The following ABCB11 variants were observed in gnomAD, a reference collection of about 807,000 sequenced individuals.
The protein encoded by ABCB11 is bile salt export pump.
A neutral mutation model predicts 148.0 loss-of-function variants in ABCB11; 95 were observed. The observed-to-expected ratio is 0.64, with a 90% CI of 0.54 to 0.76. The LOEUF is 0.76. Ranked by LOEUF, ABCB11 falls within the 30% of genes least tolerant of loss-of-function variation. The pLI, the probability that ABCB11 is intolerant of heterozygous loss-of-function variation, is 0.00. For synonymous variants in ABCB11, 591 were observed against 555.4 expected (o/e 1.06, Z -0.90); for missense variants, 1,523 against 1,617.8 (o/e 0.94, Z 1.01).
intron 25 of ABCB11, among the ~76,000 whole-genome samples, chr2:168,930,169 C>G (rs942186926): frequency 2.0e-5 from 3 of 152,070 alleles, no homozygotes; most frequent in Non-Finnish European, 4.4e-5. Context: ...TTCAAATATC[C>G]TTGCTAAAGA....
chr2:169,021,308 TA>T (rs1695532908), intron 1 of ABCB11, among the ~76,000 whole-genome samples: 1 of 152,016 alleles, frequency 6.6e-6, no homozygotes, highest in South Asian at 2.1e-4. Context: ...TATAAAATCA[TA>T]AAAATGGTCC....
intron 5 of ABCB11, among the ~76,000 whole-genome samples, chr2:169,011,139 T>C (rs1695174146): frequency 6.6e-6 from 1 of 152,236 alleles, no homozygotes; most frequent in Non-Finnish European, 1.5e-5. Context: ...CATAAGCACC[T>C]AGTATCATGT....
chr2:168,952,561 A>G (rs78391298), intron 19 of ABCB11, among the ~76,000 whole-genome samples: 2,488 of 151,120 alleles, frequency 0.016, 61 homozygotes, highest in African/African-American at 0.057. Flanking sequence ...ATCTGTTATA[A>G]TATCTTCTTT....
rs1266595414 is a variant in ABCB11 at position 169,017,841 on chromosome 2, C to T, written c.76+209G>A. ...GGTGAGAGATGCTTTCATTTACACACACTTGGTGTGTTCTTACCTAGTGCT... is the reference window on the plus strand; with the variant it reads ...GGTGAGAGATGCTTTCATTTACACATACTTGGTGTGTTCTTACCTAGTGCT... On this transcript the variant is annotated intron_variant, in intron 2 of 27. Coordinates refer to ENST00000650372, the MANE Select transcript of ABCB11 (RefSeq NM_003742.4). 15 of 733,740 alleles carry T rather than the reference C, an allele frequency of 2.0e-5. No individual in the cohort carries two copies. In the Admixed American group the frequency reaches 2.7e-4, roughly 13 times the overall value. The allele number at this position is 733,740 out of a possible 1,614,324, so 45.5% of individuals were successfully genotyped here.
intron 10 of ABCB11, among the ~76,000 whole-genome samples, chr2:168,981,572 G>T (rs2105988013): frequency 6.6e-6 from 1 of 152,278 alleles, no homozygotes; most frequent in East Asian, 1.9e-4. Context: ...GATGCTGACA[G>T]TGAAGAAAGT....
intron 1 of ABCB11, among the ~76,000 whole-genome samples, chr2:169,027,502 T>TA (rs1283734405): frequency 6.6e-6 from 1 of 152,182 alleles, no homozygotes; most frequent in Non-Finnish European, 1.5e-5. Context: ...CAATTACTGG[T>TA]AAAAACATAT....
At chr2:169,017,113 T>TATC (rs1295279905) in intron 2 of ABCB11, among the ~76,000 whole-genome samples, 5 of 118,226 alleles carry the variant, frequency 4.2e-5, no homozygotes, top group African/African-American at 2.2e-4. Flanking sequence ...ATCATCTGAA[T>TATC]ATCAAATGGA....
intron 13 of ABCB11, 28 bp from the exon 14 acceptor site, chr2:168,972,078 C>G: frequency 3.1e-6 from 5 of 1,596,660 alleles, no homozygotes; most frequent in Non-Finnish European, 4.3e-6. Flanking sequence ...AACATCACAA[C>G]TTTTGGAATC....
rs1231983622 is a variant in ABCB11, at chr2:168,975,133, TTAAA to T, written c.1309-1297_1309-1294del. Reference sequence around the variant, plus strand: ...AATGTATAAACAAATATTTTTATATTTAAATATTTATAGATAAATATATAATAAA... The same window carrying T: ...AATGTATAAACAAATATTTTTATATTTATTTATAGATAAATATATAATAAA... On this transcript the variant is annotated intron_variant, in intron 12 of 27. Transcript: ENST00000650372. 8.9e-4 allele frequency among the ~76,000 whole-genome samples: 117 copies of T among 131,324 alleles called. 5 individuals are homozygous for T. The highest frequency in any genetic ancestry group is 2.5e-3 in the African/African-American group (91 of 35,780). The allele number at this position is 131,324 out of a possible 152,430, so 86.2% of individuals were successfully genotyped here. A position where few individuals can be genotyped will look rare whatever the true frequency, so the allele number is the denominator to read the frequency against.
downstream of ABCB11, among the ~76,000 whole-genome samples, chr2:168,917,723 A>T (rs994274218): frequency 6.6e-6 from 1 of 152,196 alleles, no homozygotes; most frequent in African/African-American, 2.4e-5. Flanking sequence ...ATTCCAATGG[A>T]GAAGCTGGGC....
intron 5 of ABCB11, among the ~76,000 whole-genome samples, chr2:169,004,212 T>C (rs1229672152): frequency 1.3e-5 from 2 of 152,186 alleles, no homozygotes; most frequent in Non-Finnish European, 2.9e-5. Context: ...AGACAAAAGA[T>C]CTTCCTTCAG....
Position 168,920,831 on chromosome 2 carries a change from ATCT to A in ABCB11, c.*2788_*2790del, listed in dbSNP as rs1489455277. Among the ~76,000 whole-genome samples, 2 of 152,166 alleles carry A rather than the reference ATCT, an allele frequency of 1.3e-5. No homozygotes were observed. The highest frequency in any genetic ancestry group is 2.4e-5 in the African/African-American group (1 of 41,432). On this transcript the variant is annotated 3_prime_UTR_variant, in exon 28 of 28. Coordinates refer to ENST00000650372, the MANE Select transcript of ABCB11 (RefSeq NM_003742.4). ...TTATTTATTCATTTTTGAAGTTGTA[ATCT>A]TCTCCTTTGTCACTGAGCCTCAATT...
intron 13 of ABCB11, among the ~76,000 whole-genome samples, 167 bp downstream of exon 13, chr2:168,973,548 C>T (rs1194215197): frequency 6.6e-6 from 1 of 152,046 alleles, no homozygotes; most frequent in Non-Finnish European, 1.5e-5. Flanking sequence ...TCACTGAACA[C>T]TGTTACCATG....
chr2:169,017,859 C>T (rs1471521250), intron 2 of ABCB11, 191 bp downstream of exon 2: 9 of 755,522 alleles, frequency 1.2e-5, no homozygotes, highest in Non-Finnish European at 2.2e-5. Context: ...GTGTTCTTAC[C>T]TAGTGCTTTC....
intron 21 of ABCB11, among the ~76,000 whole-genome samples, chr2:168,938,474 T>G (rs1306107726): frequency 6.6e-6 from 1 of 152,098 alleles, no homozygotes; most frequent in Non-Finnish European, 1.5e-5. Flanking sequence ...AGTAGTCAGG[T>G]TCATAGACAC....
chr2:168,931,684 AAC>A (rs980301142), intron 24 of ABCB11, among the ~76,000 whole-genome samples: 1 of 152,220 alleles, frequency 6.6e-6, no homozygotes, highest in Non-Finnish European at 1.5e-5. Flanking sequence ...ATCAATAGAA[AAC>A]ACAGTGGTTA....
Position 168,923,667 on chromosome 2 carries a change from T to A in ABCB11, c.3921A>T (p.Lys1307Asn), listed in dbSNP as rs1691170109. Reference protein sequence around the residue: ...KGTHEELMAQKGAYYKLVTTG... With the variant: ...KGTHEELMAQNGAYYKLVTTG... ...TGGTGACTAGTTTGTAGTAGGCTCC[T>A]TTTTGGGCCATCAGTTCTTCATGGG... The change falls in exon 28 of 28, where the codon AAA (lysine) becomes AAT (asparagine). Residue 1307 changes from lysine to asparagine, a missense_variant. Lys to Asn is a moderately conservative substitution (Grantham distance 94, BLOSUM62 0). Coordinates refer to ENST00000650372, the MANE Select transcript of ABCB11 (RefSeq NM_003742.4). 5 of 1,613,738 alleles carry A rather than the reference T, an allele frequency of 3.1e-6. No individual in the cohort carries two copies. The highest frequency in any genetic ancestry group is 4.2e-6 in the Non-Finnish European group (5 of 1,179,870).
intron 9 of ABCB11, among the ~76,000 whole-genome samples, chr2:168,988,520 T>C (rs1367737032): frequency 2.0e-5 from 3 of 152,168 alleles, no homozygotes; most frequent in Admixed American, 6.6e-5. Flanking sequence ...TGTCTGTTAA[T>C]GGGTGCTTAG....
Position 169,014,361 on chromosome 2 carries a change from A to T in ABCB11, c.99-7T>A. 1 of 1,612,864 alleles carries T rather than the reference A, an allele frequency of 6.2e-7. No individual in the cohort carries two copies. ...TTTCTTCTCATCTTGTAACCTGATG[A>T]GAAAAACATAAGGATTTAAAGACCA... On this transcript the variant is annotated splice_region_variant and splice_polypyrimidine_tract_variant and intron_variant, in intron 3 of 27. Transcript: ENST00000650372.
Sources: gnomAD v4.1 joint callset for allele counts (sites outside exome capture counted in the v4.1 genomes callset) on GRCh38, gnomAD v4.1.1 for gene constraint, MANE v1.5 for transcripts, NCBI Gene and HGNC (gene_info 2026-07-23, HGNC 2026-07-21) for gene names.